The following TMEM181 variants were observed in gnomAD, a reference collection of about 807,000 sequenced individuals.
The protein encoded by TMEM181 is transmembrane protein 181, also known as G protein-coupled receptor 178.
Under a neutral mutation model 71.9 loss-of-function variants are expected in TMEM181, and 39 were observed. The ratio of observed to expected loss-of-function variants is 0.54; its 90% CI spans 0.42 to 0.71. TMEM181 has a LOEUF of 0.71. Ranked by LOEUF, TMEM181 falls within the 30% of genes least tolerant of loss-of-function variation. The pLI is 0.00. For synonymous variants in TMEM181, 245 were observed against 228.8 expected (o/e 1.07, Z -0.64); for missense variants, 595 against 583.0 (o/e 1.02, Z -0.21).
chr6:158,614,498 T>TA (rs1409097169), intron 10 of TMEM181, among the ~76,000 whole-genome samples: 4 of 152,190 alleles, frequency 2.6e-5, no homozygotes, highest in African/African-American at 7.2e-5. Flanking sequence ...AATTTTTTTT[T>TA]AATTACACTT....
chr6:158,592,124 G>T (rs1206276874), intron 6 of TMEM181, among the ~76,000 whole-genome samples: 1 of 152,186 alleles, frequency 6.6e-6, no homozygotes, highest in East Asian at 1.9e-4. Flanking sequence ...TGTCACCAAA[G>T]ATTTTTCTGC....
intron 6 of TMEM181, 119 bp from the exon 7 acceptor site, chr6:158,605,148 G>GTGTGTGTGTGTA (rs1784882254): frequency 1.9e-5 from 11 of 577,738 alleles, no homozygotes; most frequent in Non-Finnish European, 3.4e-5. Flanking sequence ...GTGTGTGTGT[G>GTGTGTGTGTGTA]TGTGTGTGTG....
chr6:158,541,716 C>T (rs990628207), intron 1 of TMEM181, among the ~76,000 whole-genome samples: 3 of 152,238 alleles, frequency 2.0e-5, no homozygotes, highest in East Asian at 1.9e-4. Flanking sequence ...TTAAGGCCAA[C>T]GTTATTTCCT....
intron 10 of TMEM181, among the ~76,000 whole-genome samples, chr6:158,612,704 A>G (rs1562308324): frequency 6.6e-6 from 1 of 152,220 alleles, no homozygotes. Flanking sequence ...TTTCCCAATG[A>G]GAGGCAGAGG....
chr6:158,593,115 C>G (rs528787021), intron 6 of TMEM181, among the ~76,000 whole-genome samples: 1 of 152,262 alleles, frequency 6.6e-6, no homozygotes, highest in South Asian at 2.1e-4. Flanking sequence ...AATTTATACT[C>G]AGGAAGTAGA....
At chr6:158,628,174 C>A in intron 13 of TMEM181, 1 of 673,256 alleles carries the variant, frequency 1.5e-6, no homozygotes, top group East Asian at 2.8e-5. Context: ...GTCCCTGCAG[C>A]CGGCCGGTGG....
At position 158,625,793 on chromosome 6, in the gene TMEM181, T is replaced by G; in HGVS notation, c.1109+39T>G. On this transcript the variant is annotated intron_variant, in intron 13 of 16. Coordinates refer to ENST00000684151, the MANE Select transcript of TMEM181 (RefSeq NM_001376852.1). ...ATTTCTTGAAAACAGCAAAACGGAATTTTTCTTTTACTGTCAGGAATATCT... is the reference window on the plus strand; with the variant it reads ...ATTTCTTGAAAACAGCAAAACGGAAGTTTTCTTTTACTGTCAGGAATATCT... The G allele has an allele frequency of 1.9e-6, 3 of 1,572,010 alleles. No individual in the cohort carries two copies. In the African/African-American group the frequency reaches 4.1e-5, roughly 21 times the overall value.
rs1163797697 is a variant in TMEM181, at chr6:158,620,070, A to G, written c.897-3480A>G. ...TTATTATCTTGTTTGTATTGGGACCAGGCCATATTGCAATAAAAAACTAAA... is the reference window on the plus strand; with the variant it reads ...TTATTATCTTGTTTGTATTGGGACCGGGCCATATTGCAATAAAAAACTAAA... On this transcript the variant is annotated intron_variant, in intron 10 of 16. Coordinates refer to ENST00000684151, the MANE Select transcript of TMEM181 (RefSeq NM_001376852.1). The surrounding 1 kb of genome is among the most constrained non-coding windows in gnomAD (Gnocchi z 4.5). Among the ~76,000 whole-genome samples the G allele has an allele frequency of 2.0e-5, 3 of 152,160 alleles. No individual in the cohort carries two copies. Among genetic ancestry groups the G allele is most frequent in the Non-Finnish European group, 2.9e-5 (2 of 68,026 alleles).
chr6:158,631,810 G>A lies in TMEM181; in HGVS notation c.1350G>A (p.Gly450=). The A allele has an allele frequency of 6.3e-7, 1 of 1,596,294 alleles. No individual in the cohort carries two copies. ...GTCTCAAAGGTCTCTTTGCTCACAG[G>A]AGTGACTATGAGGAAATGCCGCTGC... The part of the protein sequence containing the change: ...LNDSDDDVIY[G]SDYEEMPLQN... Residue 450 remains glycine, a splice_region_variant and synonymous_variant, in exon 17 of 17, where the codon GGG becomes GGA. Coordinates refer to ENST00000684151, the MANE Select transcript of TMEM181 (RefSeq NM_001376852.1).
Position 158,608,333 on chromosome 6 carries a change from A to T in TMEM181, c.674A>T (p.Asp225Val). The T allele has an allele frequency of 6.2e-7, 1 of 1,614,084 alleles. No individual in the cohort carries two copies. The highest frequency in any genetic ancestry group is 8.5e-7 in the Non-Finnish European group (1 of 1,179,992). The change falls in exon 9 of 17, where the codon GAT becomes GTT. Residue 225 changes from aspartate (D) to valine (V), a missense_variant and splice_region_variant. Asp to Val is a radical substitution (Grantham distance 152, BLOSUM62 -3). Coordinates refer to ENST00000684151, the MANE Select transcript of TMEM181 (RefSeq NM_001376852.1). ...VLLPLLLLYN[D>V]PFFPLSFLVN... ...TGGATTTCTGCCCTTTGTGTTCCAG[A>T]TCCGTTCTTCCCCCTCTCCTTCCTG...
chr6:158,573,460 T>G lies in TMEM181; in HGVS notation c.49T>G (p.Phe17Val). The G allele has an allele frequency of 6.2e-7, 1 of 1,603,696 alleles. No homozygotes were observed. ...GCTCTACACGCTCTCCAAGCGCCAC[T>G]TTGTCCTCGTGTTTGTCGTCTTCTT... ...MRLYTLSKRH[F>V]VLVFVVFFIC... The change falls in exon 2 of 17, where the codon TTT becomes GTT. Residue 17 changes from phenylalanine to valine, a missense_variant. Physicochemically the swap from Phe to Val is conservative, Grantham distance 50. Coordinates refer to ENST00000684151, the MANE Select transcript of TMEM181 (RefSeq NM_001376852.1).
chr6:158,622,043 C>T (rs368079301), intron 10 of TMEM181, among the ~76,000 whole-genome samples: 8 of 152,116 alleles, frequency 5.3e-5, no homozygotes, highest in Non-Finnish European at 8.8e-5. Flanking sequence ...ACCTGGCTGC[C>T]GAGGCCCAGA....
intron 6 of TMEM181, among the ~76,000 whole-genome samples, chr6:158,603,185 A>T (rs147888000): frequency 2.0e-5 from 3 of 152,294 alleles, no homozygotes; most frequent in African/African-American, 7.2e-5. Flanking sequence ...TCCCAAATTC[A>T]GGAACCCCAA....
At chr6:158,604,560 C>T (rs1358201997) in intron 6 of TMEM181, among the ~76,000 whole-genome samples, 5 of 152,180 alleles carry the variant, frequency 3.3e-5, no homozygotes, top group Admixed American at 6.5e-5. Context: ...CCCCTGTCCT[C>T]GGCTCCATCA....
At chr6:158,575,691 T>C (rs1372409215) in intron 2 of TMEM181, among the ~76,000 whole-genome samples, 1 of 152,188 alleles carries the variant, frequency 6.6e-6, no homozygotes, top group African/African-American at 2.4e-5. Context: ...CTGGGTTAGG[T>C]GTTCACTCAG....
chr6:158,582,862 A>C (rs1783554981), intron 3 of TMEM181, among the ~76,000 whole-genome samples: 1 of 152,118 alleles, frequency 6.6e-6, no homozygotes, highest in African/African-American at 2.4e-5. Context: ...TTTTCTCCCC[A>C]GGGGTGTTAA....
In TMEM181 at chr6:158,541,518, A is replaced by G. The variant is rs148969933; in HGVS notation, c.131+4653A>G. Among the ~76,000 whole-genome samples the G allele has an allele frequency of 9.9e-5, 15 of 152,284 alleles. 1 individual carries two copies. In the East Asian group the frequency reaches 2.3e-3, roughly 23 times the overall value. ...ATCTCCTCCTCTGATGGATTTTCCA[A>G]TGGGTGGCAGTATTGGCAGCCAGGC... On this transcript the variant is annotated intron_variant, in intron 1 of 16. Coordinates refer to the TMEM181 transcript ENST00000367090.
chr6:158,541,047 A>T (rs1257800833), intron 1 of TMEM181, among the ~76,000 whole-genome samples: 1 of 152,188 alleles, frequency 6.6e-6, no homozygotes, highest in African/African-American at 2.4e-5. Context: ...CCCAGGTCCC[A>T]TCCTTGAGGA....
chr6:158,554,226 C>T (rs1781806916), intron 1 of TMEM181, among the ~76,000 whole-genome samples: 1 of 151,972 alleles, frequency 6.6e-6, no homozygotes, highest in African/African-American at 2.4e-5. Flanking sequence ...GCTGGGATTA[C>T]AGGCGCCTGC....
Sources: allele counts gnomAD v4.1 joint callset (sites outside exome capture counted in the v4.1 genomes callset), GRCh38; gene constraint gnomAD v4.1.1; non-coding constraint Gnocchi (gnomAD v3.1); transcripts MANE v1.5; gene names NCBI Gene and HGNC (gene_info 2026-07-23, HGNC 2026-07-21).